Variants in ERAP1 observed in about 807,000 individuals in gnomAD.
ERAP1 encodes the protein endoplasmic reticulum aminopeptidase 1.
A neutral mutation model predicts 103.7 loss-of-function variants in ERAP1; 86 were observed. The observed-to-expected ratio is 0.83, with a 90% confidence interval of 0.70 to 0.99. ERAP1 has a LOEUF of 0.99. Among genes scored for constraint, ERAP1 ranks in the 50% least tolerant of loss-of-function variants. ERAP1 has a pLI of 0.00. For missense variants in ERAP1, 1,009 were observed against 1,128.4 expected (o/e 0.89, Z 1.52); for synonymous variants, 398 against 402.4 (o/e 0.99, Z 0.13).
At chr5:96,767,831 G>A (rs192506347) in intron 19 of ERAP1, 2 of 813,466 alleles carry the variant, frequency 2.5e-6, no homozygotes, top group African/African-American at 1.7e-5. Flanking sequence ...TTATTTGTAA[G>A]TGATGTGGGA....
At chr5:96,914,148 T>TCTCTCACACACACACACACA in the ERAP1 span, among the ~76,000 whole-genome samples, 59 of 148,080 alleles carry the variant, frequency 4.0e-4, no homozygotes, top group African/African-American at 1.3e-3. Flanking sequence ...TCTCTCTCTC[T>TCTCTCACACACACACACACA]CACACACACA....
rs142533780 is a variant in ERAP1, at chr5:96,785,134, C to T, written c.1943+654G>A. 3.9e-4 allele frequency: 60 copies of T among 155,390 alleles called. 1 individual carries two copies. In the East Asian group the frequency reaches 9.9e-3, roughly 26 times the overall value. 9.6% of individuals were successfully genotyped at this position (155,390 alleles called of 1,614,324 possible). ...CCTCTTAGGACTTTAGGTCTGCCTA[C>T]ATGTTGAAGAAGTTTGAGTTTTAGG... is the stretch of plus-strand genomic sequence containing the variant. On this transcript the variant is annotated intron_variant, in intron 13 of 18. Coordinates refer to ENST00000443439, the MANE Select transcript of ERAP1 (RefSeq NM_001040458.3).
At chr5:96,835,539 A>T in the ERAP1 span, among the ~76,000 whole-genome samples, 3 of 119,620 alleles carry the variant, frequency 2.5e-5, no homozygotes, top group Admixed American at 2.4e-4. Context: ...AAATGATGTT[A>T]AAAAAAATTC....
the ERAP1 span, among the ~76,000 whole-genome samples, chr5:96,900,698 A>C: frequency 6.6e-6 from 1 of 152,146 alleles, no homozygotes; most frequent in East Asian, 1.9e-4. Context: ...TTTATTTTAG[A>C]CAAAGTCTCA....
At chr5:96,770,515 A>G, downstream of ERAP1, 2 of 1,593,382 alleles carry the variant, frequency 1.3e-6, no homozygotes, top group Non-Finnish European at 1.7e-6. Context: ...GCCTCATTAC[A>G]TTTCCTTTGC....
the ERAP1 span, among the ~76,000 whole-genome samples, chr5:96,867,011 AT>A: frequency 0.53 from 72,038 of 136,458 alleles, 17,800 homozygotes; most frequent in East Asian, 0.66. Context: ...CCTTTCTGAT[AT>A]TTTTTTTTTT....
intron 19 of ERAP1, chr5:96,766,151 C>G (rs2150730755): frequency 6.5e-7 from 1 of 1,531,862 alleles, no homozygotes; most frequent in Non-Finnish European, 9.0e-7. Flanking sequence ...GACAGGTAAA[C>G]TGAGGCAAAT....
At chr5:96,792,498 A>T (rs1380478479) in intron 7 of ERAP1, among the ~76,000 whole-genome samples, 1 of 152,214 alleles carries the variant, frequency 6.6e-6, no homozygotes, top group Non-Finnish European at 1.5e-5. Flanking sequence ...ACAACAAGAA[A>T]TTAACTGTAT....
chr5:96,868,117 C>T, the ERAP1 span, among the ~76,000 whole-genome samples: 1 of 152,038 alleles, frequency 6.6e-6, no homozygotes, highest in Non-Finnish European at 1.5e-5. Flanking sequence ...AAACTCTATT[C>T]TCAGGCTACC....
chr5:96,806,502 TG>T (rs1778608187), intron 1 of ERAP1, among the ~76,000 whole-genome samples: 2 of 152,308 alleles, frequency 1.3e-5, no homozygotes, highest in African/African-American at 2.4e-5. Flanking sequence ...TCATTCAAGG[TG>T]GGGTAACTGA....
intron 3 of ERAP1, among the ~76,000 whole-genome samples, chr5:96,800,094 CAGTG>C (rs1331482042): frequency 1.3e-5 from 2 of 152,208 alleles, no homozygotes; most frequent in African/African-American, 2.4e-5. Context: ...CTCTGATCCC[CAGTG>C]AGTTTCTCTG....
At chr5:96,815,368 A>G in the ERAP1 span, among the ~76,000 whole-genome samples, 1 of 151,914 alleles carries the variant, frequency 6.6e-6, no homozygotes, top group Admixed American at 6.6e-5. Context: ...AAAACACCCA[A>G]ACTATTAAGG....
the ERAP1 span, among the ~76,000 whole-genome samples, chr5:96,831,308 G>T: frequency 1.3e-5 from 2 of 152,156 alleles, no homozygotes; most frequent in South Asian, 4.1e-4. Context: ...ACACATTCAT[G>T]AGAACTCTGC....
At chr5:96,889,067 G>T in the ERAP1 span, 2 of 1,205,546 alleles carry the variant, frequency 1.7e-6, no homozygotes, top group Non-Finnish European at 2.3e-6. Context: ...ATGCTTAATG[G>T]TATCTTAATA....
In ERAP1 at chr5:96,790,314, T is replaced by C. The variant is rs142948882; in HGVS notation, c.1506A>G (p.Gln502=). 114 of 1,614,144 alleles carry C rather than the reference T, an allele frequency of 7.1e-5. No homozygotes were observed. In the African/African-American group the frequency reaches 1.4e-3, roughly 20 times the overall value. ...KGMDGFCSRS[Q]HSSSSSHWHQ... ...AACTTACTGAGGATGAAGATGAATG[T>C]TGACTTCTAGAGCAAAAGCCATCCA... Residue 502 remains glutamine, a synonymous_variant, in exon 10 of 19, where the codon CAA becomes CAG. Transcript: ENST00000443439.
intron 1 of ERAP1, among the ~76,000 whole-genome samples, chr5:96,806,465 C>T (rs1158237319): frequency 6.6e-6 from 1 of 152,162 alleles, no homozygotes; most frequent in Non-Finnish European, 1.5e-5. Context: ...TTTACACATG[C>T]TCACTCTCTC....
chr5:96,822,072 C>T, the ERAP1 span, among the ~76,000 whole-genome samples: 938 of 152,288 alleles, frequency 6.2e-3, 8 homozygotes, highest in African/African-American at 0.021. Flanking sequence ...AACACATCAG[C>T]GTTATCTCCC....
Position 96,786,461 on chromosome 5 carries a change from A to G in ERAP1, c.1759+9T>C. On this transcript the variant is annotated intron_variant, in intron 12 of 18. Transcript: ENST00000443439. Reference sequence around the variant, plus strand: ...CTTGAATTAACTAGTAGTTTCCAAAATAAATTACCTGTTTTTGTTTTTAGC... The same window carrying G: ...CTTGAATTAACTAGTAGTTTCCAAAGTAAATTACCTGTTTTTGTTTTTAGC... 6.3e-7 allele frequency: 1 copy of G among 1,588,212 alleles called. No individual in the cohort carries two copies. Among genetic ancestry groups the G allele is most frequent in the Non-Finnish European group, 8.6e-7 (1 of 1,157,226 alleles).
chr5:96,814,053 C>T, the ERAP1 span: 10 of 301,072 alleles, frequency 3.3e-5, no homozygotes, highest in East Asian at 7.4e-4. Context: ...CATTTATTAA[C>T]TCACAGTTTC....
Sources: gnomAD v4.1 joint callset for allele counts (sites outside exome capture counted in the v4.1 genomes callset) on GRCh38, gnomAD v4.1.1 for gene constraint, MANE v1.5 for transcripts, NCBI Gene and HGNC (gene_info 2026-07-23, HGNC 2026-07-21) for gene names.